Variants in KIFC3 observed in about 807,000 individuals in gnomAD.
The protein encoded by KIFC3 is kinesin-like protein KIFC3.
Under a neutral mutation model 101.8 loss-of-function variants are expected in KIFC3, and 60 were observed. The ratio of observed to expected loss-of-function variants is 0.59; its 90% CI spans 0.48 to 0.73. The LOEUF is 0.73. Among genes scored for constraint, KIFC3 ranks in the 30% least tolerant of loss-of-function variants. The probability of loss-of-function intolerance (pLI) is 0.00; values close to 1 mark genes in which losing one functional copy is unlikely to be tolerated. For synonymous variants in KIFC3, 476 were observed against 482.7 expected (o/e 0.99, Z 0.18); for missense variants, 966 against 1,137.1 (o/e 0.85, Z 2.16).
At chr16:57,807,686 C>T (rs1417516338), upstream of KIFC3, 1 of 152,108 alleles carries the variant, frequency 6.6e-6, no homozygotes, top group Non-Finnish European at 1.5e-5. Context: ...CCTTGCCGGC[C>T]AGGCACAGTG....
chr16:57,790,561 G>C (rs1217182439), intron 3 of KIFC3, among the ~76,000 whole-genome samples: 4 of 152,066 alleles, frequency 2.6e-5, no homozygotes, highest in African/African-American at 9.7e-5. Context: ...TGTGAAGCCT[G>C]GCTCTTCCTC....
chr16:57,830,220 C>G (rs1567327301), intron 1 of KIFC3, among the ~76,000 whole-genome samples: 1 of 150,278 alleles, frequency 6.7e-6, no homozygotes, highest in Non-Finnish European at 1.5e-5. Flanking sequence ...TGACTGTTTT[C>G]CTTTCTTTTT....
chr16:57,851,251 G>T (rs2056052494), intron 1 of KIFC3, among the ~76,000 whole-genome samples: 1 of 152,140 alleles, frequency 6.6e-6, no homozygotes, highest in South Asian at 2.1e-4. Context: ...CTGGTCTCAA[G>T]TGATCCTCCT....
At position 57,769,995 on chromosome 16, in the gene KIFC3, G is replaced by A; in HGVS notation, c.940-40C>T. ...AAAAGGCTCAGTACCTCGAGGTGCG[G>A]GAGAGAGAGGGGCAGGTGCCACACC... On this transcript the variant is annotated intron_variant, in intron 7 of 19. Coordinates refer to ENST00000445690, the MANE Select transcript of KIFC3 (RefSeq NM_001130100.2). This position sits in a 1 kb window ranked among gnomAD's most constrained non-coding sequence, Gnocchi z 4.3. 1.3e-6 allele frequency: 2 copies of A among 1,591,952 alleles called. No homozygotes were observed. The highest frequency in any genetic ancestry group is 1.7e-6 in the Non-Finnish European group (2 of 1,173,576).
At chr16:57,788,461 G>T in intron 3 of KIFC3, 1 of 1,004,752 alleles carries the variant, frequency 1.0e-6, no homozygotes, top group Non-Finnish European at 1.3e-6. Context: ...AGTCTGTCTA[G>T]GCCACCTCCA....
intron 3 of KIFC3, among the ~76,000 whole-genome samples, chr16:57,790,078 C>CTTTCTTTCTTT (rs59016221): frequency 2.1e-5 from 2 of 94,094 alleles, no homozygotes; most frequent in Non-Finnish European, 3.9e-5. Flanking sequence ...TTCTTTCTTT[C>CTTTCTTTCTTT]TTTTTTTTTT....
upstream of KIFC3, chr16:57,802,844 C>G: frequency 1.0e-6 from 1 of 982,484 alleles, no homozygotes; most frequent in South Asian, 1.4e-5. The surrounding 1 kb of genome is among the most constrained non-coding windows in gnomAD (Gnocchi z 5.0). Flanking sequence ...TACTTTTGCA[C>G]AGCCTCAAAC....
intron 1 of KIFC3, among the ~76,000 whole-genome samples, chr16:57,839,601 C>CA (rs1555481135): frequency 1.3e-5 from 2 of 152,036 alleles, no homozygotes; most frequent in Admixed American, 1.3e-4. Flanking sequence ...AACACCCCCT[C>CA]AAAAAAATCC....
chr16:57,759,458 C>T lies in KIFC3; in HGVS notation c.2476+270G>A, dbSNP rs1300302980. The T allele has an allele frequency of 7.0e-5, 41 of 581,792 alleles. 1 individual carries two copies. In the East Asian group the frequency reaches 1.1e-3, roughly 15 times the overall value. The allele number at this position is 581,792 out of a possible 1,614,324, so 36.0% of individuals were successfully genotyped here. ...AGCCCATGCTCAGAGAGCAGGGTCCCAGGGTAGAGTCAGCACCCCCGGCTG... is the reference window on the plus strand; with the variant it reads ...AGCCCATGCTCAGAGAGCAGGGTCCTAGGGTAGAGTCAGCACCCCCGGCTG... On this transcript the variant is annotated intron_variant, in intron 18 of 19. Coordinates refer to ENST00000445690, the MANE Select transcript of KIFC3 (RefSeq NM_001130100.2).
rs569241540 is a variant in KIFC3 at position 57,793,518 on chromosome 16, G to A, written c.315+1481C>T. Among the ~76,000 whole-genome samples the A allele has an allele frequency of 5.9e-5, 9 of 151,980 alleles. No individual in the cohort carries two copies. In the East Asian group the frequency reaches 1.2e-3, roughly 20 times the overall value. Reference sequence around the variant, plus strand: ...TGAGACAGGAGAATCACTGGAATCCGGGAGGCGGAGGCTGCAGTGAGCTGA... The same window carrying A: ...TGAGACAGGAGAATCACTGGAATCCAGGAGGCGGAGGCTGCAGTGAGCTGA... On this transcript the variant is annotated intron_variant, in intron 3 of 19. Coordinates refer to ENST00000445690, the MANE Select transcript of KIFC3 (RefSeq NM_001130100.2).
intron 1 of KIFC3, among the ~76,000 whole-genome samples, chr16:57,838,997 C>T (rs979620417): frequency 8.5e-5 from 13 of 152,136 alleles, no homozygotes; most frequent in African/African-American, 2.9e-4. Context: ...TACACAGGGC[C>T]TCTTACTAAA....
chr16:57,772,988 G>T lies in KIFC3; in HGVS notation c.316-700C>A, dbSNP rs1010590715. On this transcript the variant is annotated intron_variant, in intron 3 of 19. Coordinates refer to ENST00000445690, the MANE Select transcript of KIFC3 (RefSeq NM_001130100.2). ...ACCATCATGGTGCCAGTCCCATGAG[G>T]GCAGATCCCAGGGGAGCAACCCTTC... Among the ~76,000 whole-genome samples, 6 of 152,236 alleles carry T rather than the reference G, an allele frequency of 3.9e-5. No individual in the cohort carries two copies. The East Asian group carries it at 9.7e-4, about 25-fold the overall frequency.
chr16:57,828,829 C>A (rs975956243), intron 1 of KIFC3, among the ~76,000 whole-genome samples: 1 of 152,156 alleles, frequency 6.6e-6, no homozygotes, highest in Non-Finnish European at 1.5e-5. Context: ...CCCTCACCCC[C>A]CAGCAGAAGG....
At chr16:57,759,369 G>A in intron 18 of KIFC3, 1 of 619,124 alleles carries the variant, frequency 1.6e-6, no homozygotes. Context: ...CCCCGGGGCA[G>A]CTGAGGCACA....
chr16:57,790,062 C>CTT (rs1555619619), intron 3 of KIFC3, among the ~76,000 whole-genome samples: 1 of 65,142 alleles, frequency 1.5e-5, no homozygotes. Flanking sequence ...CTTTTTCTTT[C>CTT]TTTCTTTCTT....
intron 1 of KIFC3, chr16:57,813,713 G>C: frequency 6.1e-6 from 6 of 984,006 alleles, no homozygotes; most frequent in Non-Finnish European, 7.2e-6. Flanking sequence ...CTGCACCCGG[G>C]CACCACTCAT....
rs142107642 is a variant in KIFC3, at chr16:57,813,561, G to A, written c.109-15279C>T. On this transcript the variant is annotated intron_variant, in intron 1 of 2. Transcript: ENST00000563028. ...ATGCCCCTGTCTTAAGTGAACAAAT[G>A]GAGACTCTAACCACCTTCTGAGAAT... 1,140 of 434,328 alleles carry A rather than the reference G, an allele frequency of 2.6e-3. 13 individuals are homozygous for A. The South Asian group carries it at 0.029, about 11-fold the overall frequency. 26.9% of individuals were successfully genotyped at this position (434,328 alleles called of 1,614,324 possible). A position where few individuals can be genotyped will look rare whatever the true frequency, so the allele number is the denominator to read the frequency against.
intron 3 of KIFC3, among the ~76,000 whole-genome samples, chr16:57,794,422 C>G (rs1297496097): frequency 6.6e-6 from 1 of 151,920 alleles, no homozygotes; most frequent in Non-Finnish European, 1.5e-5. Context: ...GATAGGGTCT[C>G]ACTATATTGT....
At chr16:57,784,797 G>C (rs1303748067) in intron 3 of KIFC3, among the ~76,000 whole-genome samples, 3 of 146,488 alleles carry the variant, frequency 2.0e-5, no homozygotes, top group Admixed American at 2.0e-4. Flanking sequence ...TGGAGATGCA[G>C]AAGGAGAAGA....
Sources: gnomAD v4.1 joint callset for allele counts (sites outside exome capture counted in the v4.1 genomes callset) on GRCh38, gnomAD v4.1.1 for gene constraint, Gnocchi (gnomAD v3.1) non-coding constraint, MANE v1.5 for transcripts, NCBI Gene and HGNC (gene_info 2026-07-23, HGNC 2026-07-21) for gene names.